The following SLC25A33 variants were observed in gnomAD, a reference collection of about 807,000 sequenced individuals.
The protein encoded by SLC25A33 is solute carrier family 25 member 33, also known as bone marrow stromal cell mitochondrial carrier protein.
A neutral mutation model predicts 35.5 loss-of-function variants in SLC25A33; 15 were observed. The observed-to-expected ratio is 0.42, with a 90% confidence interval of 0.28 to 0.65. SLC25A33 has a LOEUF of 0.65. Among genes scored for constraint, SLC25A33 ranks in the 30% least tolerant of loss-of-function variants. The pLI, the probability that SLC25A33 is intolerant of heterozygous loss-of-function variation, is 0.20. For missense variants in SLC25A33, 257 were observed against 398.5 expected, an observed-to-expected ratio of 0.64 and a Z score of 3.02; for synonymous variants, 136 against 148.7, an observed-to-expected ratio of 0.91 and a Z score of 0.62.
intron 2 of SLC25A33, among the ~76,000 whole-genome samples, chr1:9,562,207 G>A (rs191141623): frequency 5.3e-5 from 8 of 151,874 alleles, no homozygotes; most frequent in Admixed American, 2.0e-4. Flanking sequence ...AATTAGCCAG[G>A]TATGGTGGTG....
intron 2 of SLC25A33, among the ~76,000 whole-genome samples, chr1:9,559,819 A>C (rs1643395657): frequency 6.6e-6 from 1 of 152,200 alleles, no homozygotes; most frequent in South Asian, 2.1e-4. Flanking sequence ...TCCCTAAGCT[A>C]ACGGCGGTGA....
rs1356769176 is a variant in SLC25A33 at position 9,583,650 on chromosome 1, G to C, written c.*1149G>C. ...AAAAGGAGCACAACGTAGGACTATG[G>C]CTCACCCGTCAGAGAGCTCACATTC... On this transcript the variant is annotated 3_prime_UTR_variant, in exon 7 of 7. Coordinates refer to ENST00000302692, the MANE Select transcript of SLC25A33 (RefSeq NM_032315.3). 6.6e-6 allele frequency: 1 copy of C among 151,836 alleles called. No homozygotes were observed. Among genetic ancestry groups the C allele is most frequent in the Non-Finnish European group, 1.5e-5 (1 of 68,008 alleles). The allele number at this position is 151,836 out of a possible 1,614,324, so 9.4% of individuals were successfully genotyped here.
At chr1:9,573,633 ATC>A (rs1429425047) in intron 5 of SLC25A33, among the ~76,000 whole-genome samples, 1 of 152,136 alleles carries the variant, frequency 6.6e-6, no homozygotes, top group African/African-American at 2.4e-5. Context: ...AGGAGGGGAT[ATC>A]TCTGGTTGTG....
intron 2 of SLC25A33, among the ~76,000 whole-genome samples, chr1:9,564,871 C>T (rs1224958936): frequency 6.6e-6 from 1 of 151,054 alleles, no homozygotes; most frequent in East Asian, 2.0e-4. Context: ...TTGCTGTGAG[C>T]CGAGATCGTC....
At chr1:9,560,422 G>A (rs1643405599) in intron 2 of SLC25A33, among the ~76,000 whole-genome samples, 2 of 151,934 alleles carry the variant, frequency 1.3e-5, no homozygotes, top group Admixed American at 6.6e-5. Context: ...AAATTAGCCA[G>A]GTGTGGCGGT....
intron 1 of SLC25A33, among the ~76,000 whole-genome samples, chr1:9,543,016 C>T (rs1643116014): frequency 1.3e-5 from 2 of 151,998 alleles, no homozygotes; most frequent in South Asian, 4.1e-4. Context: ...TGGGGTTTTG[C>T]CACGTTGGCT....
At chr1:9,552,858 A>G (rs1224534995) in intron 1 of SLC25A33, among the ~76,000 whole-genome samples, 1 of 152,120 alleles carries the variant, frequency 6.6e-6, no homozygotes, top group African/African-American at 2.4e-5. Context: ...GAAAGCCCCA[A>G]AGGATGTGCT....
At chr1:9,541,100 G>C (rs1410509412) in intron 1 of SLC25A33, among the ~76,000 whole-genome samples, 1 of 151,466 alleles carries the variant, frequency 6.6e-6, no homozygotes, top group Non-Finnish European at 1.5e-5. Flanking sequence ...TCCTGCCTCA[G>C]CCTCCCGAGT....
chr1:9,554,281 G>A (rs1222343634), intron 2 of SLC25A33, among the ~76,000 whole-genome samples: 1 of 152,078 alleles, frequency 6.6e-6, no homozygotes, highest in Non-Finnish European at 1.5e-5. Flanking sequence ...TGCCCACCTT[G>A]GCCTCCCAAA....
Position 9,569,690 on chromosome 1 carries a change from C to A in SLC25A33, c.315-568C>A, listed in dbSNP as rs1569868110. Among the ~76,000 whole-genome samples, 4 of 152,140 alleles carry A rather than the reference C, an allele frequency of 2.6e-5. No homozygotes were observed. In the South Asian group the frequency reaches 8.3e-4, roughly 32 times the overall value. On this transcript the variant is annotated intron_variant, in intron 3 of 6. Transcript: ENST00000302692. ...TCCCAAGTAGCTCCTATTTCCCAGC[C>A]CCAACAAGAGGGAAGACAGCAGGGG...
Position 9,567,286 on chromosome 1 carries a change from C to T in SLC25A33, c.239C>T (p.Ser80Leu), listed in dbSNP as rs373779347. Residue 80 changes from serine (S) to leucine (L), a missense_variant and splice_region_variant, in exon 3 of 7, where the codon TCG (serine) becomes TTG (leucine). By Grantham distance (145) the Ser-to-Leu change is moderately radical. Coordinates refer to ENST00000302692, the MANE Select transcript of SLC25A33 (RefSeq NM_032315.3). ...GTTTGTCTTTTCTTATTATTCAGGT[C>T]GATCTTGGAGAAAGAGGGACCAAAG... ...VTPGLFQVLK[S>L]ILEKEGPKSL... is the part of the protein sequence containing the mutation. 2.2e-5 allele frequency: 36 copies of T among 1,613,580 alleles called. No individual in the cohort carries two copies. In the African/African-American group the frequency reaches 3.6e-4, roughly 16 times the overall value.
chr1:9,551,868 G>A (rs1475957724), intron 1 of SLC25A33, among the ~76,000 whole-genome samples: 2 of 152,172 alleles, frequency 1.3e-5, no homozygotes, highest in Non-Finnish European at 2.9e-5. Context: ...AGATTATAGA[G>A]CGATGTTTTC....
At chr1:9,575,831 G>C (rs925857131) in intron 5 of SLC25A33, among the ~76,000 whole-genome samples, 11 of 152,304 alleles carry the variant, frequency 7.2e-5, no homozygotes, top group African/African-American at 2.6e-4. Flanking sequence ...CTCTTTTGAT[G>C]AATCTGTTCC....
At chr1:9,553,564 T>G in intron 1 of SLC25A33, 62 bp from the exon 2 acceptor site, 2 of 1,573,544 alleles carry the variant, frequency 1.3e-6, no homozygotes, top group South Asian at 2.3e-5. Flanking sequence ...AAAGCTAAGC[T>G]TAGCATTCCA....
chr1:9,555,584 C>A (rs1643331651), intron 2 of SLC25A33, among the ~76,000 whole-genome samples: 1 of 152,142 alleles, frequency 6.6e-6, no homozygotes. Flanking sequence ...AACTGAACAG[C>A]AAGACCAGAT....
At chr1:9,550,992 A>T (rs1643258404) in intron 1 of SLC25A33, among the ~76,000 whole-genome samples, 1 of 151,970 alleles carries the variant, frequency 6.6e-6, no homozygotes, top group Non-Finnish European at 1.5e-5. Context: ...CTATCTTTTT[A>T]AAAATATTCC....
intron 2 of SLC25A33, among the ~76,000 whole-genome samples, chr1:9,557,818 C>A (rs2100386071): frequency 6.6e-6 from 1 of 152,188 alleles, no homozygotes; most frequent in African/African-American, 2.4e-5. Context: ...GACAGGATGT[C>A]CTTGAGCCCA....
chr1:9,571,243 G>A (rs145256254), intron 4 of SLC25A33, among the ~76,000 whole-genome samples: 31 of 152,258 alleles, frequency 2.0e-4, no homozygotes, highest in African/African-American at 7.0e-4. Context: ...CTTCTTCCCC[G>A]GGATGTACTT....
chr1:9,556,483 C>T lies in SLC25A33; in HGVS notation c.236+2678C>T, dbSNP rs182151525. On this transcript the variant is annotated intron_variant, in intron 2 of 6. Transcript: ENST00000302692. ...TTGGGACCAGAAGCAATGCAGATTTCGGATTTTGGAATATTTGCTTCATCA... is the reference window on the plus strand; with the variant it reads ...TTGGGACCAGAAGCAATGCAGATTTTGGATTTTGGAATATTTGCTTCATCA... Among the ~76,000 whole-genome samples the T allele has an allele frequency of 5.3e-4, 80 of 152,258 alleles. 1 individual carries two copies. Among genetic ancestry groups the T allele is most frequent in the African/African-American group, 1.7e-3 (71 of 41,534 alleles).
Sources: allele counts gnomAD v4.1 joint callset (sites outside exome capture counted in the v4.1 genomes callset), GRCh38; gene constraint gnomAD v4.1.1; transcripts MANE v1.5; gene names NCBI Gene and HGNC (gene_info 2026-07-23, HGNC 2026-07-21).